ATXN2: variants seen among roughly 807,000 people sequenced by gnomAD.
The protein encoded by ATXN2 is ataxin-2.
Under a neutral mutation model 138.6 loss-of-function variants are expected in ATXN2, and 37 were observed. The observed-to-expected ratio is 0.27, with a 90% CI of 0.21 to 0.35. The LOEUF (loss-of-function observed/expected upper bound fraction) is 0.35. ATXN2 is among the 10% of genes least tolerant of loss of function. The probability of loss-of-function intolerance (pLI) is 1.00; values close to 1 mark genes in which losing one functional copy is unlikely to be tolerated. For synonymous variants in ATXN2, 549 were observed against 543.7 expected, an observed-to-expected ratio of 1.01 and a Z score of -0.13; for missense variants, 1,216 against 1,480.3, an observed-to-expected ratio of 0.82 and a Z score of 2.93.
chr12:111,505,648 C>G (rs1464350976), intron 14 of ATXN2, among the ~76,000 whole-genome samples: 1 of 152,218 alleles, frequency 6.6e-6, no homozygotes, highest in Non-Finnish European at 1.5e-5. Context: ...GAGGTTAACA[C>G]TTCACACCCA....
At chr12:111,505,131 C>A (rs949153005) in intron 14 of ATXN2, among the ~76,000 whole-genome samples, 1 of 152,100 alleles carries the variant, frequency 6.6e-6, no homozygotes, top group Non-Finnish European at 1.5e-5. Context: ...CTCATTTGAG[C>A]CCAGGAGGCT....
intron 14 of ATXN2, among the ~76,000 whole-genome samples, chr12:111,493,213 A>G (rs1028464926): frequency 6.6e-6 from 1 of 152,080 alleles, no homozygotes; most frequent in Non-Finnish European, 1.5e-5. Flanking sequence ...TGAGGTCAGG[A>G]GCTCAAGACC....
At chr12:111,526,597 GT>G (rs1472125807) in intron 5 of ATXN2, among the ~76,000 whole-genome samples, 1 of 151,856 alleles carries the variant, frequency 6.6e-6, no homozygotes, top group Non-Finnish European at 1.5e-5. Flanking sequence ...CAGAGACAGG[GT>G]TTCACCATGT....
intron 1 of ATXN2, among the ~76,000 whole-genome samples, chr12:111,575,750 C>T (rs1335793562): frequency 6.6e-6 from 1 of 152,148 alleles, no homozygotes; most frequent in East Asian, 1.9e-4. Context: ...AAATGCCATG[C>T]TTTCTACATG....
chr12:111,527,294 T>C (rs547658975), intron 5 of ATXN2, among the ~76,000 whole-genome samples: 1 of 152,324 alleles, frequency 6.6e-6, no homozygotes, highest in East Asian at 1.9e-4. Context: ...TCCCAGCCAC[T>C]GTTCCTTCCC....
At position 111,488,583 on chromosome 12, in the gene ATXN2, G is replaced by C. The variant is rs747436434; in HGVS notation, c.2133C>G (p.Asn711Lys). The change falls in exon 15 of 25, where the codon AAC (asparagine) becomes AAG (lysine). Residue 711 changes from asparagine (N) to lysine (K), a missense_variant. Transcript: ENST00000673436. ...SPSISPSILS[N>K]TEHKRGPEVT... ...CCTCAGGTCCCCTCTTGTGCTCCGTGTTACTAAGTATTGAAGGGGAAATGC... is the reference window on the plus strand; with the variant it reads ...CCTCAGGTCCCCTCTTGTGCTCCGTCTTACTAAGTATTGAAGGGGAAATGC... The C allele has an allele frequency of 6.2e-7, 1 of 1,614,058 alleles. No individual in the cohort carries two copies. Among genetic ancestry groups the C allele is most frequent in the African/African-American group, 1.3e-5 (1 of 74,936 alleles).
chr12:111,576,140 CACCAA>C (rs139216981), intron 1 of ATXN2, among the ~76,000 whole-genome samples: 1 of 102,112 alleles, frequency 9.8e-6, no homozygotes, highest in Non-Finnish European at 2.6e-5. Context: ...CATAACATCA[CACCAA>C]ACCAAACCAA....
Position 111,599,283 on chromosome 12 carries a change from C to A in ATXN2, c.-249G>T. ...GCGCCGCCGCCGTTGCCGTTGCTAC[C>A]AAAACAGTCTGAGGCGGAGGGAGGC... On this transcript the variant is annotated 5_prime_UTR_variant, in exon 1 of 25. Coordinates refer to ENST00000673436, the MANE Select transcript of ATXN2 (RefSeq NM_001372574.1). 2 of 993,060 alleles carry A rather than the reference C, an allele frequency of 2.0e-6. No homozygotes were observed. Among genetic ancestry groups the A allele is most frequent in the Non-Finnish European group, 1.2e-6 (1 of 841,736 alleles). The allele number at this position is 993,060 out of a possible 1,614,324, so 61.5% of individuals were successfully genotyped here.
intron 14 of ATXN2, among the ~76,000 whole-genome samples, chr12:111,504,121 C>T (rs1205667357): frequency 6.6e-6 from 1 of 152,166 alleles, no homozygotes; most frequent in African/African-American, 2.4e-5. Context: ...TTTCTGCTAA[C>T]TGAAAAAGTA....
chr12:111,572,399 C>G (rs925680234), intron 1 of ATXN2, among the ~76,000 whole-genome samples: 8 of 141,880 alleles, frequency 5.6e-5, no homozygotes, highest in African/African-American at 2.1e-4. Flanking sequence ...AAAACTCCAT[C>G]TCAAAAAAAA....
chr12:111,453,398 C>CAT lies in ATXN2; in HGVS notation c.3439+278_3439+279insAT. ...TCCAGCCTGTCATAACAAGGAAGGC[C>CAT]AACTGAGTCCTAGGCATGCATCAGG... On this transcript the variant is annotated intron_variant, in intron 24 of 24. Transcript: ENST00000673436. The surrounding 1 kb of genome is among the most constrained non-coding windows in gnomAD (Gnocchi z 5.4). 1 of 1,186,694 alleles carries CAT rather than the reference C, an allele frequency of 8.4e-7. No individual in the cohort carries two copies. The highest frequency in any genetic ancestry group is 1.0e-6 in the Non-Finnish European group (1 of 958,014). 73.5% of individuals were successfully genotyped at this position (1,186,694 alleles called of 1,614,324 possible).
At chr12:111,512,930 T>C (rs1237372698) in intron 11 of ATXN2, 1 of 162,306 alleles carries the variant, frequency 6.2e-6, no homozygotes, top group Non-Finnish European at 1.3e-5. Flanking sequence ...TAAATGTTTA[T>C]AGAATGTACT....
chr12:111,558,172 C>T (rs1255871675), intron 1 of ATXN2, among the ~76,000 whole-genome samples: 3 of 152,196 alleles, frequency 2.0e-5, no homozygotes, highest in Non-Finnish European at 2.9e-5. Context: ...ATCTATGACA[C>T]GGTTGGACAC....
chr12:111,499,016 C>T (rs1878593306), intron 14 of ATXN2, among the ~76,000 whole-genome samples: 3 of 152,044 alleles, frequency 2.0e-5, no homozygotes. Flanking sequence ...TGAAACCAGA[C>T]CCCTGTGTCC....
At chr12:111,554,871 T>C (rs929497090) in intron 2 of ATXN2, among the ~76,000 whole-genome samples, 16 of 152,202 alleles carry the variant, frequency 1.1e-4, no homozygotes, top group South Asian at 4.1e-4. Context: ...CATACCTTCA[T>C]AGAAGAACCC....
chr12:111,560,304 A>G (rs1172050058), intron 1 of ATXN2, among the ~76,000 whole-genome samples: 3 of 152,258 alleles, frequency 2.0e-5, no homozygotes, highest in African/African-American at 7.2e-5. Flanking sequence ...TAGGTATTAT[A>G]AGTAATCTAG....
intron 1 of ATXN2, chr12:111,581,718 G>A (rs543378643): frequency 5.6e-5 from 37 of 659,548 alleles, no homozygotes; most frequent in Admixed American, 2.4e-4. Context: ...CTGATTGTGC[G>A]CATCATTACG....
At chr12:111,484,050 T>G (rs1369725204) in intron 18 of ATXN2, among the ~76,000 whole-genome samples, 2 of 151,976 alleles carry the variant, frequency 1.3e-5, no homozygotes, top group Admixed American at 6.6e-5. Context: ...CCTCTCAAAG[T>G]GCTGGAATTA....
intron 18 of ATXN2, among the ~76,000 whole-genome samples, chr12:111,481,197 C>T (rs1877208610): frequency 6.6e-6 from 1 of 152,158 alleles, no homozygotes; most frequent in Non-Finnish European, 1.5e-5. Context: ...ATAACCCCAG[C>T]TACTCTGGAG....
Sources: allele counts gnomAD v4.1 joint callset (sites outside exome capture counted in the v4.1 genomes callset), GRCh38; gene constraint gnomAD v4.1.1; non-coding constraint Gnocchi (gnomAD v3.1); transcripts MANE v1.5; gene names NCBI Gene and HGNC (gene_info 2026-07-23, HGNC 2026-07-21).